Variants in FAM171A1 observed in about 807,000 individuals in gnomAD.
The protein encoded by FAM171A1 is protein FAM171A1.
FAM171A1 carries 23 observed loss-of-function variants against 74.9 expected under a neutral mutation model. That is an observed-to-expected ratio of 0.31 (90% CI 0.22 to 0.44). The LOEUF is 0.44. Ranked by LOEUF, FAM171A1 falls within the 20% of genes least tolerant of loss-of-function variation. FAM171A1 has a pLI of 1.00. For missense variants in FAM171A1, 1,162 were observed against 1,159.2 expected, an observed-to-expected ratio of 1.00 and a Z score of -0.03; for synonymous variants, 527 against 505.7, an observed-to-expected ratio of 1.04 and a Z score of -0.57.
At position 15,212,287 on chromosome 10, in the gene FAM171A1, C is replaced by G. The variant is rs1408682703; in HGVS notation, c.*628G>C. ...ACACTCAGCGGTTCCTGAAGGGAGA[C>G]GCTGAGATGGACCGCTGAGAAGCGG... On this transcript the variant is annotated 3_prime_UTR_variant, in exon 8 of 8. Coordinates refer to ENST00000378116, the MANE Select transcript of FAM171A1 (RefSeq NM_001010924.2). 1 of 153,686 alleles carries G rather than the reference C, an allele frequency of 6.5e-6. No individual in the cohort carries two copies. The highest frequency in any genetic ancestry group is 1.5e-5 in the Non-Finnish European group (1 of 68,918). 9.5% of individuals were successfully genotyped at this position (153,686 alleles called of 1,614,324 possible).
chr10:15,267,151 G>A (rs1834755253), intron 3 of FAM171A1, among the ~76,000 whole-genome samples: 1 of 152,200 alleles, frequency 6.6e-6, no homozygotes, highest in Non-Finnish European at 1.5e-5. Flanking sequence ...CTACTGCAGT[G>A]GTCTTGGTAG....
At chr10:15,223,427 A>T (rs921884034) in intron 5 of FAM171A1, among the ~76,000 whole-genome samples, 5 of 152,184 alleles carry the variant, frequency 3.3e-5, no homozygotes, top group African/African-American at 1.2e-4. Context: ...TTGTTGAGTC[A>T]CTGCTTGTCA....
At position 15,371,235 on chromosome 10, in the gene FAM171A1, C is replaced by G. The variant is rs1189698057; in HGVS notation, c.-183G>C. 7.5e-6 allele frequency among the ~76,000 whole-genome samples: 1 copy of G among 133,708 alleles called. No homozygotes were observed. The highest frequency in any genetic ancestry group is 1.7e-5 in the Non-Finnish European group (1 of 60,426). The allele number at this position is 133,708 out of a possible 152,430, so 87.7% of individuals were successfully genotyped here. On this transcript the variant is annotated 5_prime_UTR_variant, in exon 1 of 8. Coordinates refer to ENST00000378116, the MANE Select transcript of FAM171A1 (RefSeq NM_001010924.2). ...TCCCGCGCCCCGCGCCGGGTTTCCC[C>G]GAAGAGCCGCGGCGGCGGCGGCGGC... is the stretch of plus-strand genomic sequence containing the variant.
intron 5 of FAM171A1, among the ~76,000 whole-genome samples, chr10:15,245,972 T>G (rs1367794554): frequency 1.3e-5 from 2 of 152,178 alleles, no homozygotes; most frequent in Non-Finnish European, 2.9e-5. Context: ...ATTTTCTTCC[T>G]CCCTTTAGAA....
At chr10:15,346,592 C>G (rs1835819318) in intron 1 of FAM171A1, among the ~76,000 whole-genome samples, 1 of 152,234 alleles carries the variant, frequency 6.6e-6, no homozygotes, top group Non-Finnish European at 1.5e-5. Flanking sequence ...GTAGCAGAAA[C>G]AAGCCGAGGT....
At chr10:15,357,816 T>A (rs1835951541) in intron 1 of FAM171A1, among the ~76,000 whole-genome samples, 1 of 152,202 alleles carries the variant, frequency 6.6e-6, no homozygotes, top group Admixed American at 6.5e-5. Context: ...GCCTAAGTGA[T>A]GTGTATGGGT....
At chr10:15,314,768 C>T (rs1024787471) in intron 1 of FAM171A1, among the ~76,000 whole-genome samples, 6 of 152,210 alleles carry the variant, frequency 3.9e-5, no homozygotes, top group African/African-American at 1.2e-4. Flanking sequence ...AGGTTCCTGG[C>T]GTGCCCAGGT....
intron 1 of FAM171A1, among the ~76,000 whole-genome samples, chr10:15,330,081 C>G (rs1415554791): frequency 6.6e-6 from 1 of 152,184 alleles, no homozygotes; most frequent in Non-Finnish European, 1.5e-5. Context: ...GTGGCTCACA[C>G]CTGTAATCCC....
At chr10:15,257,013 A>G (rs1165060856) in intron 3 of FAM171A1, among the ~76,000 whole-genome samples, 1 of 152,212 alleles carries the variant, frequency 6.6e-6, no homozygotes, top group Non-Finnish European at 1.5e-5. Flanking sequence ...TTTCCGGCTA[A>G]ATAATGCTGC....
chr10:15,231,230 G>T (rs1336981502), intron 5 of FAM171A1, among the ~76,000 whole-genome samples: 1 of 151,808 alleles, frequency 6.6e-6, no homozygotes, highest in Non-Finnish European at 1.5e-5. Context: ...TTTGAGGCAG[G>T]TTCTCTCTCT....
rs1461230831 is a variant in FAM171A1, at chr10:15,304,140, C to T, written c.98-20035G>A. Among the ~76,000 whole-genome samples, 7 of 152,216 alleles carry T rather than the reference C, an allele frequency of 4.6e-5. No homozygotes were observed. In the East Asian group the frequency reaches 7.7e-4, roughly 17 times the overall value. On this transcript the variant is annotated intron_variant, in intron 1 of 7. Coordinates refer to ENST00000378116, the MANE Select transcript of FAM171A1 (RefSeq NM_001010924.2). ...TTTGGATGTGCTATAATCCTCAACC[C>T]TTCATTCTGCAGATGAGGAACTTGA...
intron 4 of FAM171A1, among the ~76,000 whole-genome samples, chr10:15,250,503 T>C (rs1192906263): frequency 6.6e-6 from 1 of 152,234 alleles, no homozygotes; most frequent in African/African-American, 2.4e-5. Context: ...GGCGCATGCC[T>C]GTAATACTGG....
At chr10:15,252,757 C>T (rs1326346325) in intron 4 of FAM171A1, among the ~76,000 whole-genome samples, 5 of 152,188 alleles carry the variant, frequency 3.3e-5, no homozygotes, top group Non-Finnish European at 5.9e-5. Context: ...GACCTCTCTT[C>T]CCTTTGAAAT....
At chr10:15,214,635 T>A (rs199498074) in intron 7 of FAM171A1, 34 bp from the exon 8 acceptor site, 1 of 1,514,608 alleles carries the variant, frequency 6.6e-7, no homozygotes, top group East Asian at 2.3e-5. Flanking sequence ...AGCCAAAGAT[T>A]AGTGATTCTC....
At chr10:15,345,510 G>A (rs1835808478) in intron 1 of FAM171A1, among the ~76,000 whole-genome samples, 1 of 152,218 alleles carries the variant, frequency 6.6e-6, no homozygotes, top group Non-Finnish European at 1.5e-5. Context: ...AGAGTGACCT[G>A]TATAAAGGCA....
At chr10:15,306,054 G>C (rs1835290666) in intron 1 of FAM171A1, among the ~76,000 whole-genome samples, 1 of 152,188 alleles carries the variant, frequency 6.6e-6, no homozygotes, top group Non-Finnish European at 1.5e-5. Context: ...CGCACAAATA[G>C]AGCATGATCC....
rs928388951 is a variant in FAM171A1, at chr10:15,265,051, A to AC, written c.419-10173_419-10172insG. ...GCAGGGCACATTTAAACATTAACAA[A>AC]ATTTTGTAATTTTAAAAAGCTGGCA... On this transcript the variant is annotated intron_variant, in intron 3 of 7. Transcript: ENST00000378116. Among the ~76,000 whole-genome samples the AC allele has an allele frequency of 2.3e-4, 35 of 152,254 alleles. 1 individual carries two copies. In the East Asian group the frequency reaches 6.2e-3, roughly 27 times the overall value.
At chr10:15,358,102 A>G (rs927585288) in intron 1 of FAM171A1, among the ~76,000 whole-genome samples, 1 of 152,086 alleles carries the variant, frequency 6.6e-6, no homozygotes, top group Non-Finnish European at 1.5e-5. Context: ...CAGCCTCCCA[A>G]GAAGCTGGGA....
chr10:15,245,291 T>C (rs1392813797), intron 5 of FAM171A1, among the ~76,000 whole-genome samples: 1 of 152,182 alleles, frequency 6.6e-6, no homozygotes, highest in African/African-American at 2.4e-5. Flanking sequence ...GGTCTCAAAC[T>C]CTTGACCTCA....
Sources: gnomAD v4.1 joint callset for allele counts (sites outside exome capture counted in the v4.1 genomes callset) on GRCh38, gnomAD v4.1.1 for gene constraint, MANE v1.5 for transcripts, NCBI Gene and HGNC (gene_info 2026-07-23, HGNC 2026-07-21) for gene names.